Variants in CHRND observed in about 807,000 individuals in gnomAD.
CHRND encodes the protein acetylcholine receptor subunit delta.
CHRND carries 40 observed loss-of-function variants against 57.8 expected under a neutral mutation model. The observed-to-expected ratio is 0.69, with a 90% confidence interval of 0.54 to 0.90. The LOEUF (loss-of-function observed/expected upper bound fraction) is 0.90, where lower values mean the gene tolerates loss of function less well. CHRND is among the 40% of genes least tolerant of loss of function. The probability of loss-of-function intolerance (pLI) is 0.00; values close to 1 mark genes in which losing one functional copy is unlikely to be tolerated. For synonymous variants in CHRND, 237 were observed against 270.6 expected (o/e 0.88, Z 1.22); for missense variants, 634 against 673.9 (o/e 0.94, Z 0.66).
chr2:232,533,904 T>C (rs752093636), intron 9 of CHRND, 27 bp from the exon 10 acceptor site: 6 of 1,609,208 alleles, frequency 3.7e-6, no homozygotes, highest in Non-Finnish European at 5.1e-6. Context: ...ACAACGCCTT[T>C]CTTGTGGCCC....
At chr2:232,527,353 T>C in intron 2 of CHRND, 48 bp from the exon 3 acceptor site, 2 of 1,484,562 alleles carry the variant, frequency 1.3e-6, no homozygotes, top group Non-Finnish European at 1.9e-6. Context: ...TGTGTGCGGA[T>C]AAAAGAATGA....
rs191108529 is a variant in CHRND, at chr2:232,535,332, C to T, written c.*20C>T. 71 of 1,610,466 alleles carry T rather than the reference C, an allele frequency of 4.4e-5. No homozygotes were observed. The African/African-American group carries it at 7.7e-4, about 18-fold the overall frequency. ...ATCTAGGGTGGGCCTGTTGGGGAGC[C>T]AGGAGACAGCAGGGTCTGAGAGAGG... On this transcript the variant is annotated 3_prime_UTR_variant, in exon 12 of 12. Coordinates refer to ENST00000258385, the MANE Select transcript of CHRND (RefSeq NM_000751.3).
At position 232,534,015 on chromosome 2, in the gene CHRND, A is replaced by G; in HGVS notation, c.1132A>G (p.Ser378Gly). 6.2e-7 allele frequency: 1 copy of G among 1,614,016 alleles called. No individual in the cohort carries two copies. The highest frequency in any genetic ancestry group is 8.5e-7 in the Non-Finnish European group (1 of 1,180,038). ...CAGCCCTGGGGCCCTGGTGCGGAGG[A>G]GCAGCTCCCTGGGATACATCTCCAA... The part of the protein sequence containing the change: ...GPSPGALVRR[S>G]SSLGYISKAE... Residue 378 changes from serine to glycine, a missense_variant, in exon 10 of 12, where the codon AGC (serine) becomes GGC (glycine). By Grantham distance (56) the Ser-to-Gly change is moderately conservative. Transcript: ENST00000258385.
rs767665281 is a variant in CHRND, at chr2:232,535,301, C to T, written c.1543C>T (p.Arg515Cys). ...DPYSYNVQDK[R>C]FI The stretch of plus-strand genomic sequence containing the variant: ...CTACTCCTACAACGTGCAGGACAAG[C>T]GCTTCATCTAGGGTGGGCCTGTTGG... Residue 515 changes from arginine to cysteine, a missense_variant, in exon 12 of 12, where the codon CGC becomes TGC. Physicochemically the swap from Arg to Cys is radical, Grantham distance 180 (BLOSUM62 -3). Coordinates refer to ENST00000258385, the MANE Select transcript of CHRND (RefSeq NM_000751.3). 9.3e-6 allele frequency: 15 copies of T among 1,613,536 alleles called. No individual in the cohort carries two copies. Among genetic ancestry groups the T allele is most frequent in the African/African-American group, 4.0e-5 (3 of 74,948 alleles).
At position 232,534,037 on chromosome 2, in the gene CHRND, C is replaced by T. The variant is rs1397329609; in HGVS notation, c.1154C>T (p.Ser385Phe). 1.9e-6 allele frequency: 3 copies of T among 1,614,104 alleles called. No homozygotes were observed. The highest frequency in any genetic ancestry group is 1.7e-5 in the Admixed American group (1 of 60,030). ...AGGAGCAGCTCCCTGGGATACATCT[C>T]CAAGGCCGAGGAGTACTTCCTGCTC... ...VRRSSSLGYI[S>F]KAEEYFLLKS... Residue 385 changes from serine (S) to phenylalanine (F), a missense_variant, in exon 10 of 12, where the codon TCC becomes TTC. By Grantham distance (155) the Ser-to-Phe change is radical. Transcript: ENST00000258385.
At chr2:232,530,959 C>T (rs1034119661) in intron 7 of CHRND, among the ~76,000 whole-genome samples, 3 of 152,186 alleles carry the variant, frequency 2.0e-5, no homozygotes, top group African/African-American at 7.2e-5. Context: ...CAACCTGGCA[C>T]TTTCTAAGCG....
At chr2:232,530,934 C>T (rs1691667879) in intron 7 of CHRND, among the ~76,000 whole-genome samples, 1 of 152,162 alleles carries the variant, frequency 6.6e-6, no homozygotes, top group Non-Finnish European at 1.5e-5. Context: ...AGGTGTTATC[C>T]TGGTTCTACA....
At chr2:232,530,229 G>A (rs1691637865) in intron 7 of CHRND, 90 bp downstream of exon 7, 1 of 1,383,398 alleles carries the variant, frequency 7.2e-7, no homozygotes, top group Non-Finnish European at 1.0e-6. Context: ...TTCCTCCTGG[G>A]AGCCACCTGG....
At chr2:232,528,678 C>G (rs369142209) in intron 5 of CHRND, 22 bp downstream of exon 5, 3 of 1,613,534 alleles carry the variant, frequency 1.9e-6, no homozygotes, top group South Asian at 2.2e-5. Context: ...TCTCCAGCCA[C>G]CCCTCACCCC....
At chr2:232,527,330 G>GAC in intron 2 of CHRND, 71 bp from the exon 3 acceptor site, 1 of 1,306,870 alleles carries the variant, frequency 7.7e-7, no homozygotes. Context: ...GAGAGAGAGA[G>GAC]AGAGTGGGTG....
chr2:232,533,084 G>A (rs3791728), intron 9 of CHRND, among the ~76,000 whole-genome samples: 3 of 152,050 alleles, frequency 2.0e-5, no homozygotes, highest in Non-Finnish European at 4.4e-5. Flanking sequence ...GCAGTGGTTC[G>A]ATCTCAGCTC....
Position 232,536,351 on chromosome 2 carries a change from C to T in CHRND, c.*1039C>T. On this transcript the variant is annotated 3_prime_UTR_variant, in exon 12 of 12. Transcript: ENST00000258385. ...ATTTGGTTAGGAAAGACACTATGGC[C>T]TCTTTCTTGCTCATTAGCCCTCATT... 1 of 454,136 alleles carries T rather than the reference C, an allele frequency of 2.2e-6. No homozygotes were observed. The highest frequency in any genetic ancestry group is 4.4e-6 in the Non-Finnish European group (1 of 226,802). The allele number at this position is 454,136 out of a possible 1,614,324, so 28.1% of individuals were successfully genotyped here.
intron 6 of CHRND, 41 bp from the exon 7 acceptor site, chr2:232,529,898 T>C: frequency 6.2e-7 from 1 of 1,605,678 alleles, no homozygotes; most frequent in Non-Finnish European, 8.5e-7. Context: ...CTAGCCCCCT[T>C]GGCCTGGCCT....
chr2:232,529,355 G>C (rs971291055), intron 6 of CHRND, among the ~76,000 whole-genome samples: 5 of 152,158 alleles, frequency 3.3e-5, no homozygotes, highest in Non-Finnish European at 5.9e-5. Context: ...CCTGATGGGG[G>C]TGTCTGCCAC....
rs1691888806 is a variant in CHRND, at chr2:232,536,247, G to C, written c.*935G>C. 2.2e-6 allele frequency: 1 copy of C among 454,032 alleles called. No individual in the cohort carries two copies. The highest frequency in any genetic ancestry group is 4.4e-6 in the Non-Finnish European group (1 of 226,802). 28.1% of individuals were successfully genotyped at this position (454,032 alleles called of 1,614,324 possible). On this transcript the variant is annotated 3_prime_UTR_variant, in exon 12 of 12. Coordinates refer to ENST00000258385, the MANE Select transcript of CHRND (RefSeq NM_000751.3). The stretch of plus-strand genomic sequence containing the variant: ...TGATGCCCAGTATTCACACCCTTGT[G>C]CAGTCCCCTCACTCTGTACCAGGGT...
chr2:232,535,056 TG>T, intron 11 of CHRND, 73 bp from the exon 12 acceptor site: 1 of 1,570,290 alleles, frequency 6.4e-7, no homozygotes, highest in Non-Finnish European at 8.7e-7. Flanking sequence ...CCTCCATGGC[TG>T]GGCCCCAGCT....
chr2:232,533,171 C>T (rs535009570), intron 9 of CHRND, among the ~76,000 whole-genome samples: 1 of 152,312 alleles, frequency 6.6e-6, no homozygotes, highest in East Asian at 1.9e-4. Context: ...CAGGCGCCCG[C>T]CACCATGCCT....
chr2:232,526,194 A>G lies in CHRND; in HGVS notation c.-22A>G. ...CCCTGTAGACAGGAGGGGCAGATGC[A>G]CGTCCCAGTCAGAGGGATGGGATGG... On this transcript the variant is annotated 5_prime_UTR_variant, in exon 1 of 12. Coordinates refer to ENST00000258385, the MANE Select transcript of CHRND (RefSeq NM_000751.3). 6.2e-7 allele frequency: 1 copy of G among 1,601,662 alleles called. No homozygotes were observed. The highest frequency in any genetic ancestry group is 1.7e-4 in the Middle Eastern group (1 of 5,986).
At position 232,536,276 on chromosome 2, in the gene CHRND, T is replaced by C. The variant is rs1165411406; in HGVS notation, c.*964T>C. On this transcript the variant is annotated 3_prime_UTR_variant, in exon 12 of 12. Transcript: ENST00000258385. ...TCCCCTCACTCTGTACCAGGGTGGG[T>C]CTGGGTAACCAATAGAATGAGGCAG... is the stretch of plus-strand genomic sequence containing the variant. 1 of 453,970 alleles carries C rather than the reference T, an allele frequency of 2.2e-6. No homozygotes were observed. Among genetic ancestry groups the C allele is most frequent in the African/African-American group, 2.0e-5 (1 of 49,994 alleles). The allele number at this position is 453,970 out of a possible 1,614,324, so 28.1% of individuals were successfully genotyped here. A position where few individuals can be genotyped will look rare whatever the true frequency, so the allele number is the denominator to read the frequency against.
Sources: gnomAD v4.1 joint callset for allele counts (sites outside exome capture counted in the v4.1 genomes callset) on GRCh38, gnomAD v4.1.1 for gene constraint, MANE v1.5 for transcripts, NCBI Gene and HGNC (gene_info 2026-07-23, HGNC 2026-07-21) for gene names.